The following IMMP2L variants were observed in gnomAD, a reference collection of about 807,000 sequenced individuals.
The protein encoded by IMMP2L is mitochondrial inner membrane protease subunit 2.
IMMP2L carries 18 observed loss-of-function variants against 19.3 expected under a neutral mutation model. That is an observed-to-expected ratio of 0.93 (90% CI 0.64 to 1.38). The LOEUF (loss-of-function observed/expected upper bound fraction) is 1.38. Among genes scored for constraint, IMMP2L ranks in the 40% most tolerant of loss-of-function variants. The pLI, the probability that IMMP2L is intolerant of heterozygous loss-of-function variation, is 0.00. For missense variants in IMMP2L, 233 were observed against 218.2 expected (o/e 1.07, Z -0.43); for synonymous variants, 76 against 73.0 (o/e 1.04, Z -0.21).
chr7:110,797,109 A>T (rs1562981479), intron 5 of IMMP2L, among the ~76,000 whole-genome samples: 2 of 152,008 alleles, frequency 1.3e-5, no homozygotes, highest in African/African-American at 4.8e-5. Flanking sequence ...TTGATTCTCA[A>T]TTTAAAAGGT....
chr7:110,861,016 G>A (rs1807336012), intron 5 of IMMP2L, among the ~76,000 whole-genome samples: 1 of 149,914 alleles, frequency 6.7e-6, no homozygotes, highest in African/African-American at 2.5e-5. Context: ...TTCCTCAAAG[G>A]TATTTGTTTT....
chr7:110,845,581 T>C (rs1397233456), intron 5 of IMMP2L, among the ~76,000 whole-genome samples: 1 of 152,220 alleles, frequency 6.6e-6, no homozygotes, highest in Non-Finnish European at 1.5e-5. Context: ...CATACCTCTT[T>C]ACTAAACTTA....
At chr7:110,692,913 C>T (rs560559042) in intron 5 of IMMP2L, among the ~76,000 whole-genome samples, 4 of 152,240 alleles carry the variant, frequency 2.6e-5, no homozygotes, top group African/African-American at 9.6e-5. Context: ...TACAGAGGAA[C>T]CAGCCCAGTT....
chr7:111,423,991 T>C (rs1835836698), intron 3 of IMMP2L, among the ~76,000 whole-genome samples: 1 of 151,838 alleles, frequency 6.6e-6, no homozygotes, highest in Admixed American at 6.6e-5. Context: ...GCAAGTGTAG[T>C]TGTTTCAGCT....
chr7:110,739,243 A>G (rs371786914), intron 5 of IMMP2L, among the ~76,000 whole-genome samples: 1 of 152,156 alleles, frequency 6.6e-6, no homozygotes, highest in Non-Finnish European at 1.5e-5. Flanking sequence ...AAATGGCCTA[A>G]ATGTTCTACT....
chr7:110,805,492 T>C (rs767867232), intron 5 of IMMP2L, among the ~76,000 whole-genome samples: 41 of 152,028 alleles, frequency 2.7e-4, no homozygotes, highest in Non-Finnish European at 5.0e-4. Context: ...ATTGAAAGAT[T>C]TGCACCTATC....
Position 111,341,101 on chromosome 7 carries a change from T to A in IMMP2L, c.239+146137A>T, listed in dbSNP as rs1329345637. Among the ~76,000 whole-genome samples the A allele has an allele frequency of 6.6e-5, 10 of 152,146 alleles. No individual in the cohort carries two copies. In the East Asian group the frequency reaches 1.9e-3, roughly 29 times the overall value. On this transcript the variant is annotated intron_variant, in intron 3 of 5. Coordinates refer to ENST00000405709, the MANE Select transcript of IMMP2L (RefSeq NM_032549.4). ...AATATTAAGTATATGTTAGAATTTT[T>A]CAAAGATTACATTCTGCAGCAATGA...
At chr7:110,701,685 A>G (rs775139639) in intron 5 of IMMP2L, among the ~76,000 whole-genome samples, 2 of 152,174 alleles carry the variant, frequency 1.3e-5, no homozygotes, top group Non-Finnish European at 2.9e-5. Context: ...TTGGCCTCCC[A>G]AAATGCTGGA....
intron 5 of IMMP2L, among the ~76,000 whole-genome samples, chr7:110,695,480 C>T (rs563632739): frequency 6.6e-6 from 1 of 152,200 alleles, no homozygotes; most frequent in South Asian, 2.1e-4. Context: ...GCATGTAATC[C>T]ACTGTGCCCA....
chr7:111,231,603 T>C (rs1813723905), intron 3 of IMMP2L, among the ~76,000 whole-genome samples: 1 of 151,984 alleles, frequency 6.6e-6, no homozygotes, highest in African/African-American at 2.4e-5. Flanking sequence ...GTTTACTCTG[T>C]CTTTCACAAT....
At chr7:111,234,460 T>C (rs1814062498) in intron 3 of IMMP2L, among the ~76,000 whole-genome samples, 1 of 152,164 alleles carries the variant, frequency 6.6e-6, no homozygotes, top group South Asian at 2.1e-4. Flanking sequence ...TTGCTTCAAG[T>C]ATTTTGATGC....
intron 5 of IMMP2L, among the ~76,000 whole-genome samples, chr7:110,852,199 AGGAT>A (rs35319498): frequency 0.029 from 4,318 of 148,806 alleles, 66 homozygotes; most frequent in African/African-American, 0.033. Flanking sequence ...GGTGGATGGA[AGGAT>A]GGATGGATGG....
At chr7:111,477,046 C>T in intron 3 of IMMP2L, among the ~76,000 whole-genome samples, 1 of 152,140 alleles carries the variant, frequency 6.6e-6, no homozygotes, top group East Asian at 1.9e-4. Flanking sequence ...TGCTTGGAAA[C>T]CAAAGTTCTA....
chr7:111,039,549 T>C (rs111315513), intron 3 of IMMP2L, among the ~76,000 whole-genome samples: 1,934 of 152,234 alleles, frequency 0.013, 40 homozygotes, highest in African/African-American at 0.043. Flanking sequence ...GATAGCGCAA[T>C]TCAAAAAAAT....
In IMMP2L at chr7:110,681,879, C is replaced by T. The variant is rs999522270; in HGVS notation, c.409-18158G>A. Among the ~76,000 whole-genome samples, 9 of 151,906 alleles carry T rather than the reference C, an allele frequency of 5.9e-5. 1 individual carries two copies. The highest frequency in any genetic ancestry group is 1.4e-4 in the African/African-American group (6 of 41,470). ...GAGAGACAGGTTCTCATTGGGGAAACGACCTCTGACCTCAATCTGAAGAAA... is the reference window on the plus strand; with the variant it reads ...GAGAGACAGGTTCTCATTGGGGAAATGACCTCTGACCTCAATCTGAAGAAA... On this transcript the variant is annotated intron_variant, in intron 5 of 5. Coordinates refer to ENST00000405709, the MANE Select transcript of IMMP2L (RefSeq NM_032549.4).
In IMMP2L at chr7:110,728,228, G is replaced by A. The variant is rs1024491890; in HGVS notation, c.409-64507C>T. Among the ~76,000 whole-genome samples the A allele has an allele frequency of 2.6e-5, 4 of 152,176 alleles. No homozygotes were observed. The highest frequency in any genetic ancestry group is 5.9e-5 in the Non-Finnish European group (4 of 68,036). ...ATAATCTTAAAGGCGACTGGGAGTG[G>A]TGGTTCACGCCTGTAATCCCAGCAG... On this transcript the variant is annotated intron_variant, in intron 5 of 5. Coordinates refer to ENST00000405709, the MANE Select transcript of IMMP2L (RefSeq NM_032549.4). This position sits in a 1 kb window ranked among gnomAD's most constrained non-coding sequence, Gnocchi z 4.6.
At chr7:111,388,139 A>C (rs1831973758) in intron 3 of IMMP2L, among the ~76,000 whole-genome samples, 1 of 152,070 alleles carries the variant, frequency 6.6e-6, no homozygotes, top group Admixed American at 6.6e-5. Flanking sequence ...AAGTGCTAGG[A>C]AACAAGAAGT....
chr7:111,434,956 A>T (rs1837001372), intron 3 of IMMP2L, among the ~76,000 whole-genome samples: 1 of 151,908 alleles, frequency 6.6e-6, no homozygotes, highest in African/African-American at 2.4e-5. Flanking sequence ...AGAGAAATTC[A>T]AATTAGAAGC....
At chr7:110,981,023 C>T (rs1440907152) in intron 3 of IMMP2L, among the ~76,000 whole-genome samples, 1 of 152,062 alleles carries the variant, frequency 6.6e-6, no homozygotes, top group African/African-American at 2.4e-5. Flanking sequence ...AAAAAGAGAC[C>T]TCAGTAAAGT....
Sources: allele counts gnomAD v4.1 joint callset (sites outside exome capture counted in the v4.1 genomes callset), GRCh38; gene constraint gnomAD v4.1.1; non-coding constraint Gnocchi (gnomAD v3.1); transcripts MANE v1.5; gene names NCBI Gene and HGNC (gene_info 2026-07-23, HGNC 2026-07-21).